TTLL13: variants seen among roughly 807,000 people sequenced by gnomAD.
TTLL13 encodes the protein tubulin tyrosine ligase like 13, also known as tubulin polyglutamylase TTLL13.
chr15:90,257,635 A>C, the TTLL13 span: 1 of 1,614,104 alleles, frequency 6.2e-7, no homozygotes. Context: ...CTCTTTCCAC[A>C]GGACAATGTC....
At chr15:90,256,188 A>T in the TTLL13 span, 1 of 1,614,178 alleles carries the variant, frequency 6.2e-7, no homozygotes, top group East Asian at 2.2e-5. Flanking sequence ...GCCCGCACAT[A>T]TATCTGCAAG....
the TTLL13 span, chr15:90,249,618 G>A: frequency 6.6e-6 from 1 of 152,262 alleles, no homozygotes; most frequent in Non-Finnish European, 1.5e-5. Flanking sequence ...GAACCCCTGC[G>A]GGGGAGCAGC....
the TTLL13 span, chr15:90,257,663 CT>C: frequency 6.2e-7 from 1 of 1,614,204 alleles, no homozygotes; most frequent in Non-Finnish European, 8.5e-7. Context: ...ACCTGACCAA[CT>C]ATGCTATCAA....
At chr15:90,265,119 C>T in the TTLL13 span, 132 of 1,250,954 alleles carry the variant, frequency 1.1e-4, no homozygotes, top group Non-Finnish European at 1.3e-4. Flanking sequence ...TACAAAGACA[C>T]CAAGAATTCC....
chr15:90,253,167 T>C, the TTLL13 span: 1 of 1,144,620 alleles, frequency 8.7e-7, no homozygotes, highest in Non-Finnish European at 1.3e-6. Flanking sequence ...GTCAGGTGTA[T>C]ACCTTACCTG....
chr15:90,265,359 C>A, the TTLL13 span: 1 of 1,227,710 alleles, frequency 8.1e-7, no homozygotes, highest in Non-Finnish European at 1.0e-6. Context: ...CAGAAGACTG[C>A]CGAGCGGAAG....
the TTLL13 span, among the ~76,000 whole-genome samples, chr15:90,260,878 AAAGGAAGG>A: frequency 2.6e-5 from 4 of 151,130 alleles, no homozygotes; most frequent in Non-Finnish European, 5.9e-5. Context: ...AGAGAGAAAG[AAAGGAAGG>A]AAGGAAGGAA....
the TTLL13 span, among the ~76,000 whole-genome samples, chr15:90,260,175 G>A: frequency 2.6e-5 from 4 of 152,226 alleles, no homozygotes; most frequent in African/African-American, 7.2e-5. Context: ...AAATACAATC[G>A]TACACTAGAG....
the TTLL13 span, among the ~76,000 whole-genome samples, chr15:90,260,060 G>A: frequency 1.1e-3 from 168 of 152,320 alleles, no homozygotes; most frequent in Non-Finnish European, 1.9e-3. Flanking sequence ...AAGTAGAACT[G>A]TAATATACTG....
the TTLL13 span, among the ~76,000 whole-genome samples, chr15:90,264,297 T>TCTCCTGACTCAGC: frequency 1.3e-5 from 2 of 152,088 alleles, no homozygotes; most frequent in Non-Finnish European, 2.9e-5. Flanking sequence ...CTCAAGTAAT[T>TCTCCTGACTCAGC]CTCCTGACTC....
the TTLL13 span, among the ~76,000 whole-genome samples, chr15:90,255,198 C>T: frequency 1.3e-5 from 2 of 152,168 alleles, no homozygotes; most frequent in Non-Finnish European, 2.9e-5. Context: ...CTGGTGGGTA[C>T]ATCCTATCTC....
the TTLL13 span, chr15:90,259,091 G>T: frequency 7.0e-7 from 1 of 1,428,762 alleles, no homozygotes; most frequent in Non-Finnish European, 9.2e-7. Flanking sequence ...GACCAGGCTT[G>T]GTGGCTCATA....
chr15:90,265,317 G>A, the TTLL13 span: 1 of 1,209,128 alleles, frequency 8.3e-7, no homozygotes, highest in Non-Finnish European at 1.0e-6. Context: ...TCCCAGAGAA[G>A]CCGAGTGCCC....
chr15:90,262,406 C>A, the TTLL13 span: 1 of 1,356,954 alleles, frequency 7.4e-7, no homozygotes, highest in Non-Finnish European at 9.7e-7. Flanking sequence ...TTGTAATTTC[C>A]TGCTCTTTCC....
At chr15:90,250,993 A>G in the TTLL13 span, 1 of 1,410,224 alleles carries the variant, frequency 7.1e-7, no homozygotes, top group South Asian at 1.4e-5. Context: ...CCTTTAGCCT[A>G]CAAAAGAGGA....
the TTLL13 span, chr15:90,263,149 A>G: frequency 1.3e-6 from 2 of 1,520,966 alleles, no homozygotes; most frequent in Non-Finnish European, 1.7e-6. Flanking sequence ...GAGTCGGGTG[A>G]GGGTCCCTGT....
the TTLL13 span, among the ~76,000 whole-genome samples, chr15:90,253,064 G>A: frequency 6.6e-6 from 1 of 152,118 alleles, no homozygotes; most frequent in Admixed American, 6.6e-5. Flanking sequence ...TTTTGGAAGG[G>A]CCCTGACAGC....
At chr15:90,261,064 T>C in the TTLL13 span, among the ~76,000 whole-genome samples, 1 of 151,654 alleles carries the variant, frequency 6.6e-6, no homozygotes, top group African/African-American at 2.4e-5. Context: ...GAACGTATAT[T>C]ACCTTTTTTT....
chr15:90,253,938 A>C, the TTLL13 span, among the ~76,000 whole-genome samples: 1 of 152,224 alleles, frequency 6.6e-6, no homozygotes, highest in Non-Finnish European at 1.5e-5. Context: ...CAGGAAGTTG[A>C]GGAAATTAAA....
Sources: gnomAD v4.1 joint callset for allele counts (sites outside exome capture counted in the v4.1 genomes callset) on GRCh38, gnomAD v4.1.1 for gene constraint, MANE v1.5 for transcripts, NCBI Gene and HGNC (gene_info 2026-07-23, HGNC 2026-07-21) for gene names.